The following PPP1R14C variants were observed in gnomAD, a reference collection of about 807,000 sequenced individuals.
The protein encoded by PPP1R14C is protein phosphatase 1 regulatory subunit 14C.
A neutral mutation model predicts 20.4 loss-of-function variants in PPP1R14C; 16 were observed. That is an observed-to-expected ratio of 0.78 (90% CI 0.53 to 1.19). The LOEUF is 1.19. Ranked by LOEUF, PPP1R14C falls within the 50% of genes most tolerant of loss-of-function variation. The pLI, the probability that PPP1R14C is intolerant of heterozygous loss-of-function variation, is 0.00. For missense variants in PPP1R14C, 211 were observed against 220.1 expected, an observed-to-expected ratio of 0.96 and a Z score of 0.26; for synonymous variants, 91 against 91.0, an observed-to-expected ratio of 1.00 and a Z score of 0.00.
rs138711482 is a variant in PPP1R14C, at chr6:150,202,551, G to A, written c.307-12193G>A. 1.1e-3 allele frequency among the ~76,000 whole-genome samples: 161 copies of A among 152,372 alleles called. 1 individual carries two copies. The highest frequency in any genetic ancestry group is 3.6e-3 in the African/African-American group (148 of 41,584). ...CAGGAGCTGGAGTCCCCATTGGGCA[G>A]AAGAAGCTTCGGCCGACTTTGCCGC... On this transcript the variant is annotated intron_variant, in intron 1 of 3. Transcript: ENST00000361131.
At chr6:150,149,455 CTTTTT>C (rs869244401) in intron 1 of PPP1R14C, among the ~76,000 whole-genome samples, 1 of 35,484 alleles carries the variant, frequency 2.8e-5, no homozygotes, top group Non-Finnish European at 4.6e-5. Context: ...TTTTTTTTTT[CTTTTT>C]TTTTTTTTTT....
intron 3 of PPP1R14C, among the ~76,000 whole-genome samples, chr6:150,231,075 G>C (rs527678783): frequency 3.3e-5 from 5 of 152,336 alleles, no homozygotes; most frequent in African/African-American, 1.2e-4. Context: ...ACTAGTGCAG[G>C]GCGCAGAGCT....
At chr6:150,196,914 G>C (rs891195020) in intron 1 of PPP1R14C, among the ~76,000 whole-genome samples, 1 of 152,190 alleles carries the variant, frequency 6.6e-6, no homozygotes, top group African/African-American at 2.4e-5. Context: ...CTACAAAGCT[G>C]TTGTTGTAAA....
chr6:150,204,837 G>T (rs1480103635), intron 1 of PPP1R14C, among the ~76,000 whole-genome samples: 1 of 152,106 alleles, frequency 6.6e-6, no homozygotes, highest in East Asian at 1.9e-4. Flanking sequence ...GGCAGCCTGG[G>T]GCATACACGG....
chr6:150,163,844 C>T (rs546288306), intron 1 of PPP1R14C, among the ~76,000 whole-genome samples: 9 of 152,128 alleles, frequency 5.9e-5, no homozygotes, highest in African/African-American at 1.9e-4. Context: ...AATATTATTG[C>T]GTATGTCTTT....
intron 1 of PPP1R14C, among the ~76,000 whole-genome samples, chr6:150,214,102 TC>T (rs1055789817): frequency 3.3e-5 from 5 of 152,222 alleles, no homozygotes; most frequent in African/African-American, 1.2e-4. Flanking sequence ...CAGCGCCTTT[TC>T]CCAGAGCCCC....
intron 1 of PPP1R14C, among the ~76,000 whole-genome samples, chr6:150,181,608 T>A (rs1013312008): frequency 6.6e-5 from 10 of 152,340 alleles, no homozygotes; most frequent in East Asian, 3.9e-4. Context: ...TTTAAAAAAA[T>A]TTTTTGCTGA....
intron 1 of PPP1R14C, among the ~76,000 whole-genome samples, chr6:150,174,191 C>T (rs950571458): frequency 1.3e-5 from 2 of 152,128 alleles, no homozygotes; most frequent in African/African-American, 2.4e-5. Flanking sequence ...AGAACACTTA[C>T]TAACTTACCC....
intron 1 of PPP1R14C, among the ~76,000 whole-genome samples, chr6:150,199,846 G>T (rs886515804): frequency 2.0e-5 from 3 of 147,842 alleles, no homozygotes; most frequent in Admixed American, 6.8e-5. Flanking sequence ...TATAGCCTGG[G>T]TGACAGAGCG....
At chr6:150,168,146 G>A (rs1777453081) in intron 1 of PPP1R14C, among the ~76,000 whole-genome samples, 1 of 116,572 alleles carries the variant, frequency 8.6e-6, no homozygotes. Context: ...ACAATACAGC[G>A]TCCCTTTTTT....
At chr6:150,183,749 G>A (rs1420810248) in intron 1 of PPP1R14C, among the ~76,000 whole-genome samples, 1 of 151,888 alleles carries the variant, frequency 6.6e-6, no homozygotes, top group African/African-American at 2.4e-5. Context: ...CTGACCTCGT[G>A]ATCCACCCAG....
chr6:150,169,408 A>G (rs910872092), intron 1 of PPP1R14C, among the ~76,000 whole-genome samples: 1 of 152,214 alleles, frequency 6.6e-6, no homozygotes, highest in African/African-American at 2.4e-5. Context: ...TAGAAACAAT[A>G]AAATAAGAAC....
intron 1 of PPP1R14C, among the ~76,000 whole-genome samples, chr6:150,184,152 C>T (rs1777651657): frequency 6.6e-6 from 1 of 152,210 alleles, no homozygotes; most frequent in Non-Finnish European, 1.5e-5. Flanking sequence ...TGTAGTCACA[C>T]ATCCAAGTGC....
intron 1 of PPP1R14C, among the ~76,000 whole-genome samples, chr6:150,206,256 A>T (rs907955967): frequency 3.2e-4 from 48 of 152,162 alleles, no homozygotes; most frequent in Admixed American, 1.6e-3. Context: ...TTTCTGCAAA[A>T]TATTTATCAA....
intron 1 of PPP1R14C, among the ~76,000 whole-genome samples, chr6:150,172,775 A>G (rs1777513747): frequency 6.6e-6 from 1 of 152,148 alleles, no homozygotes; most frequent in African/African-American, 2.4e-5. Flanking sequence ...GACTGGGGAC[A>G]AAGAATGAGG....
chr6:150,211,036 C>A (rs146141068), intron 1 of PPP1R14C, among the ~76,000 whole-genome samples: 1 of 152,218 alleles, frequency 6.6e-6, no homozygotes, highest in Non-Finnish European at 1.5e-5. Flanking sequence ...TCCCTCTAAA[C>A]CTGTTCAAAT....
At chr6:150,162,607 G>A (rs190304498) in intron 1 of PPP1R14C, among the ~76,000 whole-genome samples, 19 of 152,208 alleles carry the variant, frequency 1.2e-4, no homozygotes, top group Non-Finnish European at 2.5e-4. Flanking sequence ...AGGACATCTT[G>A]GTTGCTTCAG....
At chr6:150,216,754 T>G (rs1778098839) in intron 2 of PPP1R14C, 70 bp from the exon 3 acceptor site, 1 of 1,073,968 alleles carries the variant, frequency 9.3e-7, no homozygotes, top group Non-Finnish European at 1.4e-6. Context: ...AAAATGATTT[T>G]TAATTTTGCC....
intron 1 of PPP1R14C, among the ~76,000 whole-genome samples, chr6:150,204,060 G>A (rs1303334658): frequency 3.3e-5 from 5 of 152,196 alleles, no homozygotes; most frequent in African/African-American, 7.2e-5. Flanking sequence ...GGTGCTGCAC[G>A]GAGAAAGAAG....
Sources: gnomAD v4.1 joint callset for allele counts (sites outside exome capture counted in the v4.1 genomes callset) on GRCh38, gnomAD v4.1.1 for gene constraint, MANE v1.5 for transcripts, NCBI Gene and HGNC (gene_info 2026-07-23, HGNC 2026-07-21) for gene names.